Variants in DOCK10 observed in about 807,000 individuals in gnomAD.
DOCK10 encodes dedicator of cytokinesis 10, also known as dedicator of cytokinesis protein 10.
A neutral mutation model predicts 280.1 loss-of-function variants in DOCK10; 145 were observed. The observed-to-expected ratio is 0.52, with a 90% CI of 0.45 to 0.59. DOCK10 has a LOEUF of 0.59. Among genes scored for constraint, DOCK10 ranks in the 20% least tolerant of loss-of-function variants. The probability of loss-of-function intolerance (pLI) is 0.00; values close to 1 mark genes in which losing one functional copy is unlikely to be tolerated. For missense variants in DOCK10, 2,368 were observed against 2,651.7 expected, an observed-to-expected ratio of 0.89 and a Z score of 2.35; for synonymous variants, 915 against 942.2, an observed-to-expected ratio of 0.97 and a Z score of 0.53.
intron 4 of DOCK10, 109 bp downstream of exon 4, chr2:224,896,186 C>T (rs1699976803): frequency 3.4e-6 from 2 of 592,472 alleles, no homozygotes; most frequent in Non-Finnish European, 5.6e-6. Flanking sequence ...GGAAAATGTG[C>T]CTTGACAGAA....
intron 1 of DOCK10, chr2:224,947,111 G>A (rs1430892680): frequency 1.2e-5 from 16 of 1,314,186 alleles, no homozygotes; most frequent in Non-Finnish European, 1.3e-5. Context: ...AAGGAAAGCT[G>A]TCAAGTTACC....
At chr2:224,866,318 G>A (rs556159260) in intron 11 of DOCK10, among the ~76,000 whole-genome samples, 40 of 152,206 alleles carry the variant, frequency 2.6e-4, no homozygotes, top group East Asian at 5.8e-4. Flanking sequence ...ATGTGTCCTC[G>A]TGACAGGATT....
intron 4 of DOCK10, among the ~76,000 whole-genome samples, chr2:224,890,226 T>A (rs1294113336): frequency 1.3e-5 from 2 of 152,218 alleles, no homozygotes; most frequent in Non-Finnish European, 2.9e-5. Context: ...AAAGAATAAT[T>A]TTGTAGGTAT....
intron 1 of DOCK10, among the ~76,000 whole-genome samples, chr2:225,025,524 G>T (rs1247953195): frequency 6.6e-6 from 1 of 152,142 alleles, no homozygotes; most frequent in Non-Finnish European, 1.5e-5. Context: ...ATTCCAATGA[G>T]AAATGATAGG....
chr2:224,986,932 C>T (rs1196639928), intron 1 of DOCK10, among the ~76,000 whole-genome samples: 1 of 152,138 alleles, frequency 6.6e-6, no homozygotes, highest in African/African-American at 2.4e-5. Flanking sequence ...TCTTAATTCC[C>T]CCAGGTTGAA....
Position 224,774,821 on chromosome 2 carries a change from C to A in DOCK10, c.6013+84G>T, listed in dbSNP as rs138837580. ...GTACTTCTCTGCAGGACTGAAATAA[C>A]TCTTGATTCCTACTGATCCAGCCCT... On this transcript the variant is annotated intron_variant, in intron 52 of 55. Transcript: ENST00000258390. The A allele has an allele frequency of 2.7e-4, 352 of 1,288,306 alleles. 1 individual carries two copies. In the African/African-American group the frequency reaches 3.5e-3, roughly 13 times the overall value. The allele number at this position is 1,288,306 out of a possible 1,614,324, so 79.8% of individuals were successfully genotyped here. A position where few individuals can be genotyped will look rare whatever the true frequency, so the allele number is the denominator to read the frequency against.
At chr2:225,028,165 T>C (rs1280529293) in intron 1 of DOCK10, among the ~76,000 whole-genome samples, 1 of 152,116 alleles carries the variant, frequency 6.6e-6, no homozygotes, top group Non-Finnish European at 1.5e-5. Flanking sequence ...TGGGAGATTG[T>C]CCTGGATTAT....
chr2:225,033,428 C>T lies in DOCK10; in HGVS notation c.123+8824G>A, dbSNP rs543655581. Among the ~76,000 whole-genome samples, 12 of 152,218 alleles carry T rather than the reference C, an allele frequency of 7.9e-5. No individual in the cohort carries two copies. In the South Asian group the frequency reaches 2.5e-3, roughly 32 times the overall value. ...GAACTCCTGACCTCAGGTGATCCTC[C>T]CATCTCGGTCTCCCAAAGTGCTGGG... On this transcript the variant is annotated intron_variant, in intron 1 of 55. Transcript: ENST00000258390.
chr2:224,932,199 A>G (rs1270869903), intron 1 of DOCK10, among the ~76,000 whole-genome samples: 7 of 152,150 alleles, frequency 4.6e-5, no homozygotes, highest in Non-Finnish European at 7.3e-5. Flanking sequence ...CTTTGTCTCT[A>G]CAGAGACAAG....
intron 1 of DOCK10, among the ~76,000 whole-genome samples, chr2:224,989,516 C>G (rs1706072745): frequency 6.6e-6 from 1 of 152,090 alleles, no homozygotes; most frequent in South Asian, 2.1e-4. Flanking sequence ...TGTTCCTAAA[C>G]AAAAGTGACC....
intron 1 of DOCK10, among the ~76,000 whole-genome samples, chr2:225,011,404 A>G (rs1002950295): frequency 1.3e-5 from 2 of 152,216 alleles, no homozygotes; most frequent in African/African-American, 2.4e-5. Context: ...AGGTTGCAAG[A>G]TCAAGTTACT....
intron 1 of DOCK10, among the ~76,000 whole-genome samples, chr2:225,018,165 A>AC: frequency 6.6e-6 from 1 of 152,198 alleles, no homozygotes; most frequent in East Asian, 1.9e-4. Context: ...ACATCAAGAA[A>AC]CTTTTTTAAA....
At chr2:224,929,470 C>A (rs1702205656) in intron 2 of DOCK10, among the ~76,000 whole-genome samples, 1 of 151,640 alleles carries the variant, frequency 6.6e-6, no homozygotes, top group African/African-American at 2.4e-5. Flanking sequence ...TATGATGGGC[C>A]GGGATGGGGT....
intron 11 of DOCK10, among the ~76,000 whole-genome samples, chr2:224,866,050 C>T (rs1201101844): frequency 6.6e-6 from 1 of 152,172 alleles, no homozygotes; most frequent in African/African-American, 2.4e-5. Context: ...TGCAGCCATC[C>T]AAGTCAGGAA....
At chr2:224,790,325 T>C (rs774994234) in intron 47 of DOCK10, among the ~76,000 whole-genome samples, 1 of 152,166 alleles carries the variant, frequency 6.6e-6, no homozygotes, top group Non-Finnish European at 1.5e-5. Context: ...CCATGACATT[T>C]GGGGCAGATT....
chr2:224,921,055 G>C (rs1242112332), intron 2 of DOCK10, among the ~76,000 whole-genome samples: 1 of 130,742 alleles, frequency 7.6e-6, no homozygotes, highest in African/African-American at 3.1e-5. Flanking sequence ...AAGAGTTTGA[G>C]ACCAGCCTGG....
At chr2:224,870,814 C>CCTTTT (rs1559614196) in intron 11 of DOCK10, among the ~76,000 whole-genome samples, 6 of 106,476 alleles carry the variant, frequency 5.6e-5, no homozygotes, top group African/African-American at 2.2e-4. Context: ...ATGGCCACTC[C>CCTTTT]ATTTTTTTTT....
At chr2:224,895,681 A>C (rs2125823092) in intron 4 of DOCK10, among the ~76,000 whole-genome samples, 1 of 152,188 alleles carries the variant, frequency 6.6e-6, no homozygotes, top group South Asian at 2.1e-4. Flanking sequence ...ATTAATTTCT[A>C]TTTTTGTTCA....
At chr2:224,837,734 T>C (rs201860870) in intron 25 of DOCK10, 28 bp downstream of exon 25, 72 of 1,595,002 alleles carry the variant, frequency 4.5e-5, no homozygotes, top group Non-Finnish European at 5.7e-5. Flanking sequence ...CAAGGGGATA[T>C]GAGCAATTTC....
Sources: allele counts gnomAD v4.1 joint callset (sites outside exome capture counted in the v4.1 genomes callset), GRCh38; gene constraint gnomAD v4.1.1; transcripts MANE v1.5; gene names NCBI Gene and HGNC (gene_info 2026-07-23, HGNC 2026-07-21).